The following HAPLN4 variants were observed in gnomAD, a reference collection of about 807,000 sequenced individuals.
HAPLN4 encodes hyaluronan and proteoglycan link protein 4, also known as brain link protein 2.
In HAPLN4, 19 loss-of-function variants were observed where a neutral mutation model predicts 28.0. The ratio of observed to expected loss-of-function variants is 0.68; its 90% CI spans 0.47 to 1.00. HAPLN4 has a LOEUF of 1.00. Ranked by LOEUF, HAPLN4 falls within the 50% of genes least tolerant of loss-of-function variation. The pLI is 0.00. For synonymous variants in HAPLN4, 274 were observed against 273.0 expected (o/e 1.00, Z -0.03); for missense variants, 587 against 602.6 (o/e 0.97, Z 0.27).
At chr19:19,260,707 A>G (rs2060979810) in intron 3 of HAPLN4, 106 bp downstream of exon 3, 8 of 1,408,888 alleles carry the variant, frequency 5.7e-6, no homozygotes, top group Non-Finnish European at 7.8e-6. Context: ...ACCCCAACCA[A>G]CCTTCTAAAT....
intron 3 of HAPLN4, among the ~76,000 whole-genome samples, chr19:19,259,740 T>C (rs1165601756): frequency 6.6e-6 from 1 of 152,134 alleles, no homozygotes; most frequent in Non-Finnish European, 1.5e-5. Flanking sequence ...CTATTATTGT[T>C]GTTATTTGTT....
chr19:19,258,013 C>A lies in HAPLN4; in HGVS notation c.1013G>T (p.Arg338Leu), dbSNP rs1432175713. ...CACACCAGGCCTGCGGCCTCCGCAG[C>A]GCGCTCGCGGGTTCACGATGGGGTA... ...ARYPIVNPRA[R>L]CGGRRPGVRS... Residue 338 changes from arginine to leucine, a missense_variant, in exon 5 of 5, where the codon CGC becomes CTC. Coordinates refer to ENST00000291481, the MANE Select transcript of HAPLN4 (RefSeq NM_023002.3). The surrounding 1 kb of genome is among the most constrained non-coding windows in gnomAD (Gnocchi z 6.2). The A allele has an allele frequency of 1.3e-6, 2 of 1,517,080 alleles. No individual in the cohort carries two copies. Among genetic ancestry groups the A allele is most frequent in the Admixed American group, 2.0e-5 (1 of 49,266 alleles). The allele number at this position is 1,517,080 out of a possible 1,614,324, so 94.0% of individuals were successfully genotyped here. A position where few individuals can be genotyped will look rare whatever the true frequency, so the allele number is the denominator to read the frequency against.
chr19:19,260,552 G>A (rs2060979378), intron 3 of HAPLN4, among the ~76,000 whole-genome samples: 1 of 152,096 alleles, frequency 6.6e-6, no homozygotes, highest in African/African-American at 2.4e-5. Flanking sequence ...CCTGTGCCTG[G>A]TAGGATGTAT....
chr19:19,258,676 G>A lies in HAPLN4; in HGVS notation c.664C>T (p.Pro222Ser). The A allele has an allele frequency of 1.2e-6, 2 of 1,609,330 alleles. No homozygotes were observed. Among genetic ancestry groups the A allele is most frequent in the Non-Finnish European group, 1.7e-6 (2 of 1,178,208 alleles). ...GWLRDGSVQY[P>S]VNRPREPCGG... ...CAGGGCTCCCGGGGCCGGTTCACGG[G>A]GTATTGCACTGAGCCGTCGCGCAAC... Residue 222 changes from proline to serine, a missense_variant, in exon 4 of 5, where the codon CCC becomes TCC. Pro to Ser is a moderately conservative substitution (Grantham distance 74). Coordinates refer to ENST00000291481, the MANE Select transcript of HAPLN4 (RefSeq NM_023002.3). This position sits in a 1 kb window ranked among gnomAD's most constrained non-coding sequence, Gnocchi z 6.2.
intron 3 of HAPLN4, among the ~76,000 whole-genome samples, chr19:19,260,169 A>G (rs1048986238): frequency 6.6e-6 from 1 of 152,160 alleles, no homozygotes; most frequent in Non-Finnish European, 1.5e-5. Context: ...CAGTGTCCTC[A>G]TTGTGGACAT....
In HAPLN4 at chr19:19,258,285, C is replaced by G. The variant is rs2146569145; in HGVS notation, c.818-77G>C. ...CTTCGGTGGGATTCAGGACTGCCCC[C>G]CGCATGCAGCCTAGGACTCTGGCCT... On this transcript the variant is annotated intron_variant, in intron 4 of 4. Transcript: ENST00000291481. This position sits in a 1 kb window ranked among gnomAD's most constrained non-coding sequence, Gnocchi z 6.2. 7.3e-7 allele frequency: 1 copy of G among 1,361,284 alleles called. No homozygotes were observed. The highest frequency in any genetic ancestry group is 2.5e-5 in the East Asian group (1 of 39,430). The allele number at this position is 1,361,284 out of a possible 1,614,324, so 84.3% of individuals were successfully genotyped here.
intron 3 of HAPLN4, 124 bp downstream of exon 3, chr19:19,260,689 G>C: frequency 8.5e-7 from 1 of 1,176,704 alleles, no homozygotes; most frequent in Non-Finnish European, 1.2e-6. Flanking sequence ...ACCAGATATG[G>C]GGGCTCTACC....
chr19:19,258,373 A>T lies in HAPLN4; in HGVS notation c.817+150T>A. The stretch of plus-strand genomic sequence containing the variant: ...CTGGGACCCCAGCCTAGGCCCAACC[A>T]GCGTTGGTACCAGGCGGTGTGTGCT... On this transcript the variant is annotated intron_variant, in intron 4 of 4. Coordinates refer to ENST00000291481, the MANE Select transcript of HAPLN4 (RefSeq NM_023002.3). The surrounding 1 kb of genome is among the most constrained non-coding windows in gnomAD (Gnocchi z 6.2). 9.2e-7 allele frequency: 1 copy of T among 1,081,248 alleles called. No homozygotes were observed. Among genetic ancestry groups the T allele is most frequent in the Non-Finnish European group, 1.3e-6 (1 of 767,122 alleles). The allele number at this position is 1,081,248 out of a possible 1,614,324, so 67.0% of individuals were successfully genotyped here.
intron 3 of HAPLN4, among the ~76,000 whole-genome samples, chr19:19,259,130 T>G (rs1451404905): frequency 1.3e-5 from 2 of 152,200 alleles, no homozygotes; most frequent in African/African-American, 4.8e-5. Flanking sequence ...TTCCACCTTA[T>G]TCTACCTGTT....
intron 2 of HAPLN4, 32 bp from the exon 3 acceptor site, chr19:19,261,207 G>T: frequency 6.4e-7 from 1 of 1,568,922 alleles, no homozygotes. Flanking sequence ...TCAGAGGAGG[G>T]GCCTAGGGGC....
At chr19:19,259,902 C>T (rs1020910591) in intron 3 of HAPLN4, among the ~76,000 whole-genome samples, 11 of 152,188 alleles carry the variant, frequency 7.2e-5, no homozygotes. Context: ...ATCCCATCTT[C>T]CAGCTACAGT....
At chr19:19,261,584 G>A in intron 1 of HAPLN4, 21 bp from the exon 2 acceptor site, 4 of 1,423,038 alleles carry the variant, frequency 2.8e-6, no homozygotes, top group Non-Finnish European at 3.7e-6. Flanking sequence ...GGCACGGGGC[G>A]CTCAGTCCAG....
chr19:19,261,632 C>T (rs1448811279), intron 1 of HAPLN4, 69 bp from the exon 2 acceptor site: 7 of 1,047,302 alleles, frequency 6.7e-6, no homozygotes, highest in Non-Finnish European at 9.2e-6. Flanking sequence ...TGGCTCCCTC[C>T]CGGGCCTGCC....
intron 1 of HAPLN4, among the ~76,000 whole-genome samples, chr19:19,262,067 A>T (rs1285060296): frequency 6.6e-6 from 1 of 151,900 alleles, no homozygotes; most frequent in Admixed American, 6.6e-5. Context: ...AAAAAGGGGA[A>T]GGGAAGAGAG....
chr19:19,257,932 C>T lies in HAPLN4; in HGVS notation c.1094G>A (p.Arg365His). The change falls in exon 5 of 5, where the codon CGC becomes CAC. Residue 365 changes from arginine to histidine, a missense_variant. Transcript: ENST00000291481. ...TGCCGGGTCCGGTGCTCCTGGAGCG[C>T]GGTAGCAGTAGACGCCGAAGAGCCG... ...TRRLFGVYCY[R>H]APGAPDPAPG... The T allele has an allele frequency of 2.0e-6, 3 of 1,513,148 alleles. No individual in the cohort carries two copies. The highest frequency in any genetic ancestry group is 1.8e-6 in the Non-Finnish European group (2 of 1,137,876). The allele number at this position is 1,513,148 out of a possible 1,614,324, so 93.7% of individuals were successfully genotyped here.
chr19:19,262,120 A>G (rs2060985744), intron 1 of HAPLN4, among the ~76,000 whole-genome samples: 1 of 151,490 alleles, frequency 6.6e-6, no homozygotes, highest in Non-Finnish European at 1.5e-5. Flanking sequence ...AAAAGAAGAG[A>G]CAGATGTAGA....
rs763348465 is a variant in HAPLN4, at chr19:19,261,091, C to A, written c.206G>T (p.Arg69Leu). Residue 69 changes from arginine (R) to leucine (L), a missense_variant, in exon 3 of 5, where the codon CGC becomes CTC. Physicochemically the swap from Arg to Leu is moderately radical, Grantham distance 102. Transcript: ENST00000291481. ...GTGGGCGGCTGCCTCATAGTGGTAG[C>A]GGCAGGGCAAGACGATGGTGCCACC... ...HRGGTIVLPC[R>L]YHYEAAAHGH... 4 of 1,612,010 alleles carry A rather than the reference C, an allele frequency of 2.5e-6. No homozygotes were observed. The East Asian group carries it at 6.7e-5, about 27-fold the overall frequency.
chr19:19,255,573 C>G lies in HAPLN4; in HGVS notation c.*2244G>C, dbSNP rs567240643. 68 of 152,092 alleles carry G rather than the reference C, an allele frequency of 4.5e-4. No homozygotes were observed. The highest frequency in any genetic ancestry group is 7.6e-4 in the Non-Finnish European group (52 of 68,054). The allele number at this position is 152,092 out of a possible 1,614,324, so 9.4% of individuals were successfully genotyped here. A position where few individuals can be genotyped will look rare whatever the true frequency, so the allele number is the denominator to read the frequency against. Reference sequence around the variant, plus strand: ...AAAACAAAACAAAAAAAACCCCAAGCCCCCCAAGCTTGTAACATCTTATCT... The same window carrying G: ...AAAACAAAACAAAAAAAACCCCAAGGCCCCCAAGCTTGTAACATCTTATCT... On this transcript the variant is annotated 3_prime_UTR_variant, in exon 5 of 5. Transcript: ENST00000291481.
Position 19,256,381 on chromosome 19 carries a change from A to G in HAPLN4, c.*1436T>C, listed in dbSNP as rs56278919. On this transcript the variant is annotated 3_prime_UTR_variant, in exon 5 of 5. Coordinates refer to ENST00000291481, the MANE Select transcript of HAPLN4 (RefSeq NM_023002.3). ...GGCCCCTGATGGGGTGCAGTAGGGTAGCCCTAGTAGGAGGCACCCAGGACT... is the reference window on the plus strand; with the variant it reads ...GGCCCCTGATGGGGTGCAGTAGGGTGGCCCTAGTAGGAGGCACCCAGGACT... The G allele has an allele frequency of 0.16, 24,047 of 152,574 alleles. 2,085 individuals carry two copies. The highest frequency in any genetic ancestry group is 0.27 in the Middle Eastern group (79 of 294). The allele number at this position is 152,574 out of a possible 1,614,324, so 9.5% of individuals were successfully genotyped here.
Sources: allele counts gnomAD v4.1 joint callset (sites outside exome capture counted in the v4.1 genomes callset), GRCh38; gene constraint gnomAD v4.1.1; non-coding constraint Gnocchi (gnomAD v3.1); transcripts MANE v1.5; gene names NCBI Gene and HGNC (gene_info 2026-07-23, HGNC 2026-07-21).